CDH12: variants seen among roughly 807,000 people sequenced by gnomAD.
CDH12 encodes cadherin 12, also known as cadherin-12.
In CDH12, 41 loss-of-function variants were observed where a neutral mutation model predicts 74.1. That is an observed-to-expected ratio of 0.55 (90% CI 0.43 to 0.72). The LOEUF (loss-of-function observed/expected upper bound fraction) is 0.72. CDH12 is among the 30% of genes least tolerant of loss of function. CDH12 has a pLI of 0.00. For synonymous variants in CDH12, 399 were observed against 355.0 expected, an observed-to-expected ratio of 1.12 and a Z score of -1.39; for missense variants, 945 against 977.2, an observed-to-expected ratio of 0.97 and a Z score of 0.44.
chr5:21,842,867 C>A (rs527386046), intron 7 of CDH12, among the ~76,000 whole-genome samples: 16 of 152,184 alleles, frequency 1.1e-4, no homozygotes, highest in African/African-American at 3.9e-4. Context: ...ATTTTAGCAA[C>A]AGATATTTCA....
rs998274397 is a variant in CDH12 at position 21,924,060 on chromosome 5, G to A, written c.526+51031C>T. ...TACTAATTTAGTTTTTCCACTTGAAGTCATCAGTGCTCAAACTGTAACAAC... is the reference window on the plus strand; with the variant it reads ...TACTAATTTAGTTTTTCCACTTGAAATCATCAGTGCTCAAACTGTAACAAC... On this transcript the variant is annotated intron_variant, in intron 6 of 14. Transcript: ENST00000382254. 2.6e-5 allele frequency among the ~76,000 whole-genome samples: 4 copies of A among 152,138 alleles called. No homozygotes were observed. In the East Asian group the frequency reaches 7.7e-4, roughly 29 times the overall value.
intron 3 of CDH12, among the ~76,000 whole-genome samples, chr5:22,319,786 A>C (rs1203972029): frequency 6.6e-6 from 1 of 151,960 alleles, no homozygotes; most frequent in East Asian, 1.9e-4. Context: ...GGGTTCCTTT[A>C]GAGTGAGTGA....
intron 5 of CDH12, among the ~76,000 whole-genome samples, chr5:21,997,286 A>T (rs1248722886): frequency 1.3e-5 from 2 of 152,140 alleles, no homozygotes; most frequent in Non-Finnish European, 2.9e-5. Flanking sequence ...TCAACAATGA[A>T]AAAGAATACT....
At chr5:22,777,614 G>A (rs1042962785) in intron 1 of CDH12, among the ~76,000 whole-genome samples, 1 of 151,950 alleles carries the variant, frequency 6.6e-6, no homozygotes, top group African/African-American at 2.4e-5. Context: ...ATGTGTGTGT[G>A]TGCGCTTGTG....
At chr5:22,180,960 TC>T (rs1749612775) in intron 4 of CDH12, among the ~76,000 whole-genome samples, 1 of 152,124 alleles carries the variant, frequency 6.6e-6, no homozygotes, top group Non-Finnish European at 1.5e-5. Context: ...TTACATTATC[TC>T]TTTGATGTAT....
chr5:21,889,126 C>A (rs1052334075), intron 6 of CDH12, among the ~76,000 whole-genome samples: 1 of 151,974 alleles, frequency 6.6e-6, no homozygotes, highest in East Asian at 1.9e-4. Context: ...CAACATGCTG[C>A]ATGATAAGTA....
At chr5:21,798,249 ATGTGTGTGTGTGTG>A (rs55704091) in intron 10 of CDH12, among the ~76,000 whole-genome samples, 3 of 148,784 alleles carry the variant, frequency 2.0e-5, no homozygotes, top group African/African-American at 5.0e-5. Flanking sequence ...GTATATGTGG[ATGTGTGTGTGTGTG>A]TGTGTGTGTG....
At chr5:22,277,791 G>A (rs112960256) in intron 3 of CDH12, among the ~76,000 whole-genome samples, 1,738 of 152,220 alleles carry the variant, frequency 0.011, 36 homozygotes, top group African/African-American at 0.04. Flanking sequence ...CCGAGATTGC[G>A]CCATTGCACT....
In CDH12 at chr5:22,675,870, CAT is replaced by C. The variant is rs144687047; in HGVS notation, c.-522-170508_-522-170507del. Among the ~76,000 whole-genome samples, 44 of 92,094 alleles carry C rather than the reference CAT, an allele frequency of 4.8e-4. 2 individuals carry two copies. Among genetic ancestry groups the C allele is most frequent in the East Asian group, 1.4e-3 (4 of 2,804 alleles). The allele number at this position is 92,094 out of a possible 152,430, so 60.4% of individuals were successfully genotyped here. A position where few individuals can be genotyped will look rare whatever the true frequency, so the allele number is the denominator to read the frequency against. On this transcript the variant is annotated intron_variant, in intron 1 of 14. Transcript: ENST00000382254. ...TGTATATATTTATACTTTTGTATCTCATATATATATATATATACTTTTGTTTA... is the reference window on the plus strand; with the variant it reads ...TGTATATATTTATACTTTTGTATCTCATATATATATATATACTTTTGTTTA...
intron 5 of CDH12, among the ~76,000 whole-genome samples, chr5:22,064,018 C>CAA (rs1168441719): frequency 7.0e-6 from 1 of 141,958 alleles, no homozygotes; most frequent in Non-Finnish European, 1.5e-5. Flanking sequence ...CACACACACA[C>CAA]ACAAACACAC....
intron 13 of CDH12, among the ~76,000 whole-genome samples, chr5:21,758,512 T>C (rs1744532829): frequency 6.6e-6 from 1 of 152,210 alleles, no homozygotes; most frequent in African/African-American, 2.4e-5. Flanking sequence ...ATTTATCTTT[T>C]TATTATCAGG....
At chr5:22,026,898 G>A (rs1242213849) in intron 5 of CDH12, among the ~76,000 whole-genome samples, 2 of 152,136 alleles carry the variant, frequency 1.3e-5, no homozygotes, top group Admixed American at 6.6e-5. Flanking sequence ...TAGGGCAGCT[G>A]TAGTATTATG....
intron 2 of CDH12, among the ~76,000 whole-genome samples, chr5:22,461,709 C>T (rs530762068): frequency 6.6e-6 from 1 of 151,608 alleles, no homozygotes; most frequent in Admixed American, 6.6e-5. Context: ...TTTACTTTGC[C>T]TCCAATTATT....
chr5:22,393,899 G>T (rs114905942), intron 3 of CDH12, among the ~76,000 whole-genome samples: 7 of 152,218 alleles, frequency 4.6e-5, no homozygotes, highest in African/African-American at 1.7e-4. Context: ...GCGAGATGTA[G>T]AATTTGTAAG....
At position 22,150,513 on chromosome 5, in the gene CDH12, G is replaced by GTA. The variant is rs199929334; in HGVS notation, c.-187+61983_-187+61984dup. On this transcript the variant is annotated intron_variant, in intron 4 of 14. Transcript: ENST00000382254. ...TTATGTATATGTAGAACATATATAT[G>GTA]TATATATATAGAACACACACACACA... 8.9e-3 allele frequency among the ~76,000 whole-genome samples: 1,193 copies of GTA among 134,404 alleles called. 13 individuals carry two copies. The highest frequency in any genetic ancestry group is 0.031 in the African/African-American group (1,128 of 36,980). 88.2% of individuals were successfully genotyped at this position (134,404 alleles called of 152,430 possible).
At chr5:22,545,599 A>T (rs1419573147) in intron 1 of CDH12, among the ~76,000 whole-genome samples, 2 of 152,204 alleles carry the variant, frequency 1.3e-5, no homozygotes, top group Non-Finnish European at 2.9e-5. Context: ...ATTTTAGATC[A>T]TTTGGTAAGC....
intron 5 of CDH12, among the ~76,000 whole-genome samples, chr5:22,071,209 T>C (rs1363840177): frequency 6.6e-6 from 1 of 152,118 alleles, no homozygotes; most frequent in East Asian, 1.9e-4. Context: ...TCTTTTTTTC[T>C]ATTTATATAC....
At chr5:22,819,337 T>G (rs1250150996) in intron 1 of CDH12, among the ~76,000 whole-genome samples, 4 of 151,994 alleles carry the variant, frequency 2.6e-5, no homozygotes, top group African/African-American at 9.7e-5. Flanking sequence ...GAATAGTGTC[T>G]TGAGACATGA....
intron 1 of CDH12, among the ~76,000 whole-genome samples, chr5:22,755,193 A>T (rs1745827286): frequency 6.6e-6 from 1 of 152,328 alleles, no homozygotes; most frequent in Non-Finnish European, 1.5e-5. Flanking sequence ...AATGTGTGAC[A>T]AATCTGAAAT....
Sources: allele counts gnomAD v4.1 joint callset (sites outside exome capture counted in the v4.1 genomes callset), GRCh38; gene constraint gnomAD v4.1.1; transcripts MANE v1.5; gene names NCBI Gene and HGNC (gene_info 2026-07-23, HGNC 2026-07-21).